The following TXN2 variants were observed in gnomAD, a reference collection of about 807,000 sequenced individuals.
TXN2 encodes thioredoxin 2.
Under a neutral mutation model 14.6 loss-of-function variants are expected in TXN2, and 12 were observed. That is an observed-to-expected ratio of 0.82 (90% CI 0.53 to 1.33). TXN2 has a LOEUF of 1.33. Ranked by LOEUF, TXN2 falls within the 40% of genes most tolerant of loss-of-function variation. TXN2 has a pLI of 0.00. For synonymous variants in TXN2, 89 were observed against 81.0 expected (o/e 1.10, Z -0.53); for missense variants, 173 against 207.7 (o/e 0.83, Z 1.03).
intron 3 of TXN2, among the ~76,000 whole-genome samples, chr22:36,474,908 C>G (rs1933355391): frequency 6.6e-6 from 1 of 152,250 alleles, no homozygotes; most frequent in African/African-American, 2.4e-5. Flanking sequence ...GCCCCCAACC[C>G]AGACACCTCC....
In TXN2 at chr22:36,467,600, T is replaced by A. The variant is rs1603486779; in HGVS notation, c.*204A>T. On this transcript the variant is annotated 3_prime_UTR_variant, in exon 4 of 4. Coordinates refer to ENST00000216185, the MANE Select transcript of TXN2 (RefSeq NM_012473.4). ...AGGCGTATGGGAGGGAAGACAGCGG[T>A]CCCCGGATCAGCAGCAGCACCACCA... 1.8e-6 allele frequency: 1 copy of A among 567,108 alleles called. No homozygotes were observed. Among genetic ancestry groups the A allele is most frequent in the Non-Finnish European group, 3.2e-6 (1 of 314,546 alleles). The allele number at this position is 567,108 out of a possible 1,614,324, so 35.1% of individuals were successfully genotyped here. A position where few individuals can be genotyped will look rare whatever the true frequency, so the allele number is the denominator to read the frequency against.
intron 2 of TXN2, among the ~76,000 whole-genome samples, chr22:36,478,602 G>A (rs897046629): frequency 2.6e-5 from 4 of 152,126 alleles, no homozygotes; most frequent in African/African-American, 9.7e-5. Flanking sequence ...CAATTCTCCT[G>A]CCTCAGCCTC....
chr22:36,481,640 CGG>C, upstream of TXN2: 2 of 949,420 alleles, frequency 2.1e-6, no homozygotes, highest in Non-Finnish European at 2.5e-6. Flanking sequence ...GTCACTTCCT[CGG>C]GGGGGGACGT....
chr22:36,476,461 G>A (rs1056413089), intron 3 of TXN2, among the ~76,000 whole-genome samples: 2 of 152,186 alleles, frequency 1.3e-5, no homozygotes, highest in South Asian at 2.1e-4. Context: ...GCGTGGTGGT[G>A]TGCGCCTGTA....
chr22:36,480,490 A>G (rs1314233145), intron 2 of TXN2, 85 bp downstream of exon 2: 2 of 1,538,522 alleles, frequency 1.3e-6, no homozygotes, highest in Non-Finnish European at 1.8e-6. Flanking sequence ...TGAGCAGCAT[A>G]GAACATGGCC....
intron 2 of TXN2, among the ~76,000 whole-genome samples, chr22:36,477,450 C>T (rs71326600): frequency 0.13 from 19,048 of 152,148 alleles, 1,446 homozygotes; most frequent in African/African-American, 0.21. Flanking sequence ...CCTCGTGATC[C>T]GCCTGTCTCG....
chr22:36,468,769 C>T (rs781359120), intron 3 of TXN2: 9 of 385,580 alleles, frequency 2.3e-5, no homozygotes, highest in Non-Finnish European at 4.2e-5. Flanking sequence ...AGGCTGGGCG[C>T]GGTGGCTCAC....
intron 3 of TXN2, among the ~76,000 whole-genome samples, chr22:36,473,264 A>G (rs891104809): frequency 6.6e-6 from 1 of 152,140 alleles, no homozygotes; most frequent in African/African-American, 2.4e-5. Context: ...CAAACATGGT[A>G]AAACCTTGTC....
chr22:36,471,461 A>G (rs903971020), intron 3 of TXN2, among the ~76,000 whole-genome samples: 2 of 152,202 alleles, frequency 1.3e-5, no homozygotes, highest in African/African-American at 4.8e-5. Context: ...TACCAAGGGA[A>G]AGGCACAGTG....
At chr22:36,473,643 T>A (rs1933327272) in intron 3 of TXN2, among the ~76,000 whole-genome samples, 1 of 152,098 alleles carries the variant, frequency 6.6e-6, no homozygotes, top group East Asian at 1.9e-4. Context: ...AGACCAGGGT[T>A]TGGCTAAACA....
chr22:36,475,815 C>T (rs570676533), intron 3 of TXN2, among the ~76,000 whole-genome samples: 1 of 152,134 alleles, frequency 6.6e-6, no homozygotes, highest in Admixed American at 6.6e-5. Context: ...ACAGACAAAC[C>T]AACCAACCAA....
chr22:36,476,683 T>G (rs1189931620), intron 3 of TXN2, 50 bp downstream of exon 3: 10 of 1,610,984 alleles, frequency 6.2e-6, no homozygotes, highest in Non-Finnish European at 7.6e-6. Context: ...TCCCTGGGCC[T>G]GACACCTCCT....
chr22:36,475,658 A>G (rs1933371723), intron 3 of TXN2, among the ~76,000 whole-genome samples: 1 of 152,202 alleles, frequency 6.6e-6, no homozygotes, highest in African/African-American at 2.4e-5. Flanking sequence ...AGTCCTTTAG[A>G]GAAAAAGTTT....
chr22:36,468,762 C>T, intron 3 of TXN2: 1 of 399,988 alleles, frequency 2.5e-6, no homozygotes, highest in South Asian at 1.8e-5. Context: ...AGAGCTCAGG[C>T]TGGGCGCGGT....
intron 3 of TXN2, among the ~76,000 whole-genome samples, chr22:36,470,386 C>CGG: frequency 6.6e-6 from 1 of 152,220 alleles, no homozygotes; most frequent in Non-Finnish European, 1.5e-5. Context: ...CAGGAAGCGC[C>CGG]TGAAGCCACC....
chr22:36,476,249 C>T (rs1009213170), intron 3 of TXN2, among the ~76,000 whole-genome samples: 1 of 152,148 alleles, frequency 6.6e-6, no homozygotes, highest in African/African-American at 2.4e-5. Flanking sequence ...AGACAGGTGG[C>T]TCAGAGGATC....
intron 2 of TXN2, among the ~76,000 whole-genome samples, chr22:36,477,257 G>A (rs895114478): frequency 6.6e-6 from 1 of 152,140 alleles, no homozygotes; most frequent in Admixed American, 6.5e-5. Context: ...CCCCAGGCTG[G>A]AGTGCAGTGG....
At chr22:36,477,773 C>T (rs961219397) in intron 2 of TXN2, among the ~76,000 whole-genome samples, 4 of 152,270 alleles carry the variant, frequency 2.6e-5, no homozygotes, top group Admixed American at 6.5e-5. Context: ...GAAGCCCATA[C>T]GAGTTAAGAA....
intron 3 of TXN2, 57 bp downstream of exon 3, chr22:36,476,676 C>G: frequency 6.2e-7 from 1 of 1,609,992 alleles, no homozygotes; most frequent in Admixed American, 1.7e-5. Context: ...CCAGCTATCC[C>G]TGGGCCTGAC....
Sources: gnomAD v4.1 joint callset for allele counts (sites outside exome capture counted in the v4.1 genomes callset) on GRCh38, gnomAD v4.1.1 for gene constraint, MANE v1.5 for transcripts, NCBI Gene and HGNC (gene_info 2026-07-23, HGNC 2026-07-21) for gene names.